Variants in ERBB4 observed in about 807,000 individuals in gnomAD.
ERBB4 encodes the protein erb-b2 receptor tyrosine kinase 4, also known as receptor tyrosine-protein kinase erbB-4.
In ERBB4, 42 loss-of-function variants were observed where a neutral mutation model predicts 158.0. That is an observed-to-expected ratio of 0.27 (90% confidence interval 0.21 to 0.34). The LOEUF (loss-of-function observed/expected upper bound fraction) is 0.34, where lower values mean the gene tolerates loss of function less well. ERBB4 is among the 10% of genes least tolerant of loss of function. ERBB4 has a pLI of 1.00. For missense variants in ERBB4, 1,333 were observed against 1,624.1 expected, an observed-to-expected ratio of 0.82 and a Z score of 3.08; for synonymous variants, 583 against 558.7, an observed-to-expected ratio of 1.04 and a Z score of -0.61.
At chr2:212,386,572 T>TA (rs36107803) in intron 1 of ERBB4, among the ~76,000 whole-genome samples, 4,927 of 135,866 alleles carry the variant, frequency 0.036, 113 homozygotes, top group African/African-American at 0.066. Flanking sequence ...CTTTCTTTCT[T>TA]AAAAAAAAAA....
chr2:211,689,649 G>A (rs1048955649), intron 12 of ERBB4, among the ~76,000 whole-genome samples: 2 of 152,062 alleles, frequency 1.3e-5, no homozygotes, highest in Admixed American at 1.3e-4. Flanking sequence ...CTATATAATA[G>A]ACAAAGTTAT....
intron 20 of ERBB4, among the ~76,000 whole-genome samples, chr2:211,514,312 T>G (rs949563415): frequency 2.0e-5 from 3 of 152,134 alleles, no homozygotes; most frequent in Non-Finnish European, 4.4e-5. Context: ...AATGTCTCAC[T>G]GCAACTGAAA....
In ERBB4 at chr2:212,168,016, A is replaced by C. The variant is rs536657404; in HGVS notation, c.83-43113T>G. Among the ~76,000 whole-genome samples the C allele has an allele frequency of 1.1e-3, 162 of 152,014 alleles. 2 individuals carry two copies. The Middle Eastern group carries it at 0.014, about 13-fold the overall frequency. On this transcript the variant is annotated intron_variant, in intron 1 of 27. Coordinates refer to ENST00000342788, the MANE Select transcript of ERBB4 (RefSeq NM_005235.3). ...AAACCACCATGGCACACGTATACCT[A>C]TGTAACAAACTTGCACGTTCTGCAT... is the stretch of plus-strand genomic sequence containing the variant.
At chr2:211,519,451 C>G (rs2066131205) in intron 20 of ERBB4, among the ~76,000 whole-genome samples, 2 of 152,098 alleles carry the variant, frequency 1.3e-5, no homozygotes, top group South Asian at 4.1e-4. Flanking sequence ...GACTTTCCAT[C>G]TCGAAGCAGA....
chr2:212,122,706 G>C (rs951092954), intron 2 of ERBB4, among the ~76,000 whole-genome samples: 1 of 151,780 alleles, frequency 6.6e-6, no homozygotes. Flanking sequence ...TATTGCTAAA[G>C]GTTAAATATG....
At chr2:212,388,783 T>C (rs2090761430) in intron 1 of ERBB4, among the ~76,000 whole-genome samples, 1 of 152,138 alleles carries the variant, frequency 6.6e-6, no homozygotes, top group African/African-American at 2.4e-5. Flanking sequence ...TAACAGACCG[T>C]TCTTAGGGCC....
intron 2 of ERBB4, among the ~76,000 whole-genome samples, chr2:211,989,360 A>C (rs2082014314): frequency 1.3e-5 from 2 of 151,940 alleles, no homozygotes; most frequent in African/African-American, 4.8e-5. Context: ...TTTTCCCAAA[A>C]TCCAATACAT....
intron 2 of ERBB4, among the ~76,000 whole-genome samples, chr2:211,973,441 T>A (rs1201435912): frequency 6.6e-6 from 1 of 152,118 alleles, no homozygotes; most frequent in Admixed American, 6.5e-5. Flanking sequence ...GACTTCATGA[T>A]CCACTTGCCT....
intron 2 of ERBB4, among the ~76,000 whole-genome samples, chr2:211,973,205 C>CCT (rs1553521852): frequency 3.3e-5 from 3 of 91,014 alleles, no homozygotes; most frequent in Non-Finnish European, 6.3e-5. Flanking sequence ...AGAGAAATTC[C>CCT]TTTTTTTCTT....
intron 1 of ERBB4, among the ~76,000 whole-genome samples, chr2:212,139,514 C>T (rs1420674204): frequency 6.6e-6 from 1 of 151,852 alleles, no homozygotes; most frequent in Non-Finnish European, 1.5e-5. Context: ...TCTATAGCAT[C>T]AGGTTCAATT....
At chr2:212,003,844 T>C (rs1281571178) in intron 2 of ERBB4, among the ~76,000 whole-genome samples, 1 of 152,152 alleles carries the variant, frequency 6.6e-6, no homozygotes, top group Non-Finnish European at 1.5e-5. Flanking sequence ...TGTGACTCCC[T>C]GGCCAGATGA....
At chr2:212,127,524 G>A (rs560862082) in intron 1 of ERBB4, among the ~76,000 whole-genome samples, 4 of 152,094 alleles carry the variant, frequency 2.6e-5, no homozygotes, top group Non-Finnish European at 5.9e-5. Context: ...CCCGGGAGGT[G>A]GAGCTTGCCG....
chr2:211,468,914 C>T (rs2064764243), intron 20 of ERBB4, among the ~76,000 whole-genome samples: 1 of 81,728 alleles, frequency 1.2e-5, no homozygotes, highest in South Asian at 5.1e-4. Flanking sequence ...TTTTCTTCTG[C>T]TTCAAAAAAA....
intron 1 of ERBB4, among the ~76,000 whole-genome samples, chr2:212,405,483 G>C (rs182925447): frequency 1.3e-5 from 2 of 152,048 alleles, no homozygotes; most frequent in African/African-American, 4.8e-5. Context: ...CCCATTACTG[G>C]GTATATACTC....
chr2:212,363,138 A>T (rs1476362165), intron 1 of ERBB4, among the ~76,000 whole-genome samples: 4 of 151,436 alleles, frequency 2.6e-5, no homozygotes, highest in South Asian at 4.1e-4. Flanking sequence ...TAAATTTTTA[A>T]ATTTAAATGT....
intron 20 of ERBB4, among the ~76,000 whole-genome samples, chr2:211,476,097 G>A (rs1284705072): frequency 6.6e-6 from 1 of 152,052 alleles, no homozygotes; most frequent in African/African-American, 2.4e-5. Flanking sequence ...TAGAGCTGGT[G>A]GCACTTCAGT....
chr2:212,020,697 C>T (rs2076629752), intron 2 of ERBB4, among the ~76,000 whole-genome samples: 2 of 152,076 alleles, frequency 1.3e-5, no homozygotes, highest in South Asian at 4.1e-4. Context: ...ACCAATTAAG[C>T]TTTTCTCACA....
chr2:212,100,992 G>A (rs1299658999), intron 2 of ERBB4, among the ~76,000 whole-genome samples: 1 of 152,054 alleles, frequency 6.6e-6, no homozygotes, highest in Admixed American at 6.6e-5. Context: ...ACATTTTAGT[G>A]TTGTTGAGTA....
At chr2:211,593,547 GC>G (rs1414037263) in intron 19 of ERBB4, among the ~76,000 whole-genome samples, 1 of 152,058 alleles carries the variant, frequency 6.6e-6, no homozygotes, top group Non-Finnish European at 1.5e-5. Context: ...ACTCTCTGAA[GC>G]AAAAAATACA....
Sources: gnomAD v4.1 joint callset for allele counts (sites outside exome capture counted in the v4.1 genomes callset) on GRCh38, gnomAD v4.1.1 for gene constraint, MANE v1.5 for transcripts, NCBI Gene and HGNC (gene_info 2026-07-23, HGNC 2026-07-21) for gene names.